UBE2Q1: variants seen among roughly 807,000 people sequenced by gnomAD.
UBE2Q1 encodes the protein ubiquitin conjugating enzyme E2 Q1.
A neutral mutation model predicts 60.1 loss-of-function variants in UBE2Q1; 6 were observed. The observed-to-expected ratio is 0.10, with a 90% CI of 0.05 to 0.20. The LOEUF (loss-of-function observed/expected upper bound fraction) is 0.20, where lower values mean the gene tolerates loss of function less well. UBE2Q1 is among the 10% of genes least tolerant of loss of function. UBE2Q1 has a pLI of 1.00. For missense variants in UBE2Q1, 262 were observed against 525.8 expected (o/e 0.50, Z 4.91); for synonymous variants, 226 against 208.3 (o/e 1.09, Z -0.73).
chr1:154,550,391 A>AT lies in UBE2Q1; in HGVS notation c.*46dup, dbSNP rs777645460. The AT allele has an allele frequency of 6.2e-7, 1 of 1,611,422 alleles. No individual in the cohort carries two copies. The highest frequency in any genetic ancestry group is 8.5e-7 in the Non-Finnish European group (1 of 1,177,870). Reference sequence around the variant, plus strand: ...GATCCAAATACAGCATTCAAAGGTAATTGGTCCAGTGGTGCCTGGGGAGGG... The same window carrying AT: ...GATCCAAATACAGCATTCAAAGGTAATTTGGTCCAGTGGTGCCTGGGGAGGG... On this transcript the variant is annotated 3_prime_UTR_variant, in exon 13 of 13. Transcript: ENST00000292211.
At chr1:154,555,664 G>A (rs1557845971) in intron 2 of UBE2Q1, 132 bp from the exon 3 acceptor site, 9 of 973,014 alleles carry the variant, frequency 9.2e-6, no homozygotes, top group Non-Finnish European at 1.4e-5. Context: ...GTGGCTGTGG[G>A]AATGAGTCTC....
At position 154,553,178 on chromosome 1, in the gene UBE2Q1, G is replaced by A. The variant is rs1395668750; in HGVS notation, c.589-6C>T. ...TGATCTAAGTCTTCTGTGTCCTGGA[G>A]GAGGTGTGGGGTGGGAGTGAAAAGA... On this transcript the variant is annotated splice_polypyrimidine_tract_variant and splice_region_variant and intron_variant, in intron 4 of 12. Coordinates refer to ENST00000292211, the MANE Select transcript of UBE2Q1 (RefSeq NM_017582.7). The A allele has an allele frequency of 1.2e-6, 2 of 1,609,220 alleles. No homozygotes were observed. Among genetic ancestry groups the A allele is most frequent in the Non-Finnish European group, 1.7e-6 (2 of 1,179,068 alleles).
At chr1:154,553,431 G>A (rs1157364305) in intron 4 of UBE2Q1, among the ~76,000 whole-genome samples, 2 of 152,202 alleles carry the variant, frequency 1.3e-5, no homozygotes, top group Non-Finnish European at 2.9e-5. Flanking sequence ...TGAGATCGAG[G>A]CAGGGACTTA....
chr1:154,550,954 C>G lies in UBE2Q1; in HGVS notation c.1221G>C (p.Gln407His). ...CAGCCTCACCGTTTTTTTCGTGGAT[C>G]TGCACCAAGGACTTGTAGGACTGCT... ...RAQQSYKSLVQIHEKNGWYTP... is the reference protein window; with the variant it reads ...RAQQSYKSLVHIHEKNGWYTP... Residue 407 changes from glutamine to histidine, a missense_variant, in exon 12 of 13, where the codon CAG becomes CAC. Gln to His is a conservative substitution (Grantham distance 24). Transcript: ENST00000292211. 1 of 1,614,056 alleles carries G rather than the reference C, an allele frequency of 6.2e-7. No homozygotes were observed. Among genetic ancestry groups the G allele is most frequent in the Non-Finnish European group, 8.5e-7 (1 of 1,179,980 alleles).
intron 2 of UBE2Q1, 120 bp downstream of exon 2, chr1:154,555,740 A>T (rs1262819487): frequency 2.4e-5 from 24 of 991,682 alleles, no homozygotes; most frequent in Middle Eastern, 2.2e-4. Flanking sequence ...CTCCCCCGAG[A>T]GGTCATCCCC....
At chr1:154,556,605 C>CT (rs1695892805) in intron 1 of UBE2Q1, among the ~76,000 whole-genome samples, 1 of 152,230 alleles carries the variant, frequency 6.6e-6, no homozygotes, top group Non-Finnish European at 1.5e-5. Flanking sequence ...ACATGGCAGG[C>CT]TGGGAGAAAG....
At chr1:154,552,964 G>T in intron 5 of UBE2Q1, 68 bp downstream of exon 5, 2 of 1,602,414 alleles carry the variant, frequency 1.2e-6, no homozygotes, top group Non-Finnish European at 1.7e-6. Context: ...ACTGAGATGC[G>T]ATGGCCTACT....
At chr1:154,555,679 T>C in intron 2 of UBE2Q1, 147 bp from the exon 3 acceptor site, 1 of 933,882 alleles carries the variant, frequency 1.1e-6, no homozygotes, top group African/African-American at 1.6e-5. Context: ...AGTCTCCTGA[T>C]GGACCAATCC....
chr1:154,552,665 T>C (rs538532747), intron 6 of UBE2Q1, 71 bp downstream of exon 6: 2 of 1,560,798 alleles, frequency 1.3e-6, no homozygotes, highest in East Asian at 2.3e-5. Context: ...CCAGAACCTC[T>C]TGGGCCCCTT....
At chr1:154,554,067 C>T (rs1281177891) in intron 4 of UBE2Q1, among the ~76,000 whole-genome samples, 1 of 152,198 alleles carries the variant, frequency 6.6e-6, no homozygotes, top group East Asian at 1.9e-4. Context: ...TTATTACATG[C>T]CAGGTTCTGT....
At position 154,551,484 on chromosome 1, in the gene UBE2Q1, G is replaced by A. The variant is rs769129464; in HGVS notation, c.1083C>T (p.Ser361=). 50 of 1,613,854 alleles carry A rather than the reference G, an allele frequency of 3.1e-5. No homozygotes were observed. The highest frequency in any genetic ancestry group is 4.1e-5 in the Non-Finnish European group (48 of 1,179,718). ...TCACTGACTCTATGGAGTAGGCACT[G>A]CTCCAGCCCTGGGTGAAGGGAAGGA... ...CMELLTKQGW[S]SAYSIESVIM... is the part of the protein sequence containing the mutation. Residue 361 remains serine, a synonymous_variant, in exon 11 of 13, where the codon AGC becomes AGT. Coordinates refer to ENST00000292211, the MANE Select transcript of UBE2Q1 (RefSeq NM_017582.7).
chr1:154,558,569 G>C lies in UBE2Q1; in HGVS notation c.-16C>G. 1 of 1,028,486 alleles carries C rather than the reference G, an allele frequency of 9.7e-7. No homozygotes were observed. The highest frequency in any genetic ancestry group is 1.2e-6 in the Non-Finnish European group (1 of 865,446). The allele number at this position is 1,028,486 out of a possible 1,614,324, so 63.7% of individuals were successfully genotyped here. ...GCTGCTGCATCCTCCGCTCCGCTCC[G>C]CTCCGGGGCCGGCGGGCCGGGAGCC... On this transcript the variant is annotated 5_prime_UTR_variant, in exon 1 of 13. Transcript: ENST00000292211.
At chr1:154,558,189 AG>A in intron 1 of UBE2Q1, 37 bp downstream of exon 1, 1 of 1,464,318 alleles carries the variant, frequency 6.8e-7, no homozygotes, top group South Asian at 1.4e-5. Flanking sequence ...GTCCCTGACA[AG>A]GGGCCCCCAC....
At chr1:154,550,804 A>G in intron 12 of UBE2Q1, 134 bp downstream of exon 12, 1 of 1,557,774 alleles carries the variant, frequency 6.4e-7, no homozygotes, top group East Asian at 2.3e-5. Context: ...CTCCTGGGAG[A>G]ACTGGGGCAG....
At chr1:154,554,646 C>A in intron 4 of UBE2Q1, 89 bp downstream of exon 4, 1 of 1,342,668 alleles carries the variant, frequency 7.4e-7, no homozygotes, top group South Asian at 1.3e-5. Flanking sequence ...TTTTCTCTCT[C>A]CAGTTTTAGA....
intron 4 of UBE2Q1, 193 bp downstream of exon 4, chr1:154,554,542 A>C (rs1184285840): frequency 2.5e-5 from 14 of 559,050 alleles, no homozygotes; most frequent in Admixed American, 6.6e-5. Flanking sequence ...ACCGCGCTGC[A>C]CCTGTCTTCA....
In UBE2Q1 at chr1:154,558,638, GC is replaced by G; in HGVS notation, c.-86del. The G allele has an allele frequency of 2.0e-6, 2 of 1,000,002 alleles. No homozygotes were observed. Among genetic ancestry groups the G allele is most frequent in the South Asian group, 4.4e-5 (1 of 22,658 alleles). The allele number at this position is 1,000,002 out of a possible 1,614,324, so 61.9% of individuals were successfully genotyped here. On this transcript the variant is annotated 5_prime_UTR_variant, in exon 1 of 13. Transcript: ENST00000292211. ...CTCCGCCGCCGCCGCCGCCGCCGCC[GC>G]CGCCGCCGCGGTCCGCACTTCCTGA...
chr1:154,550,539 G>A (rs1695775971), intron 12 of UBE2Q1, 70 bp from the exon 13 acceptor site: 1 of 1,607,208 alleles, frequency 6.2e-7, no homozygotes, highest in Non-Finnish European at 8.5e-7. Flanking sequence ...CCCAATCCCT[G>A]AAGACGTCTC....
intron 1 of UBE2Q1, among the ~76,000 whole-genome samples, chr1:154,556,720 T>A (rs547610381): frequency 1.1e-3 from 170 of 152,260 alleles, no homozygotes; most frequent in African/African-American, 3.7e-3. Flanking sequence ...TTAGGCCAAG[T>A]CTCCTTTATA....
Sources: gnomAD v4.1 joint callset for allele counts (sites outside exome capture counted in the v4.1 genomes callset) on GRCh38, gnomAD v4.1.1 for gene constraint, MANE v1.5 for transcripts, NCBI Gene and HGNC (gene_info 2026-07-23, HGNC 2026-07-21) for gene names.